FAM227B: variants seen among roughly 807,000 people sequenced by gnomAD.
FAM227B encodes the protein protein FAM227B.
FAM227B carries 88 observed loss-of-function variants against 73.8 expected under a neutral mutation model. The observed-to-expected ratio is 1.19, with a 90% CI of 1.00 to 1.42. The LOEUF (loss-of-function observed/expected upper bound fraction) is 1.42. Among genes scored for constraint, FAM227B ranks in the 40% most tolerant of loss-of-function variants. The pLI is 0.00. For missense variants in FAM227B, 632 were observed against 590.9 expected, an observed-to-expected ratio of 1.07 and a Z score of -0.72; for synonymous variants, 210 against 190.5, an observed-to-expected ratio of 1.10 and a Z score of -0.84.
At chr15:49,490,436 G>A (rs1184425984) in intron 11 of FAM227B, among the ~76,000 whole-genome samples, 1 of 151,910 alleles carries the variant, frequency 6.6e-6, no homozygotes, top group African/African-American at 2.4e-5. Context: ...TTCAGAATAG[G>A]AGCCTGTCCT....
At chr15:49,363,810 G>T (rs1236340137) in intron 13 of FAM227B, among the ~76,000 whole-genome samples, 2 of 151,988 alleles carry the variant, frequency 1.3e-5, no homozygotes, top group East Asian at 3.9e-4. Context: ...TTTGTTGAGG[G>T]TTTTTTATCA....
At chr15:49,370,795 G>A (rs1209457223) in intron 12 of FAM227B, among the ~76,000 whole-genome samples, 1 of 152,148 alleles carries the variant, frequency 6.6e-6, no homozygotes, top group Admixed American at 6.5e-5. Context: ...GCAACACATG[G>A]TGGTGAGTAC....
chr15:49,508,332 T>C lies in FAM227B; in HGVS notation c.891A>G (p.Lys297=). The part of the protein sequence containing the change: ...FLWCSGLKPQ[K]GFWIHWKLKE... ...TCAGTTTCCAGTGGATCCAAAAGCCTTTTTGAGGTTTTAAACCTGTTAATA... is the reference window on the plus strand; with the variant it reads ...TCAGTTTCCAGTGGATCCAAAAGCCCTTTTGAGGTTTTAAACCTGTTAATA... Residue 297 remains lysine, a synonymous_variant, in exon 11 of 16, where the codon AAA becomes AAG. Transcript: ENST00000299338. 6.3e-7 allele frequency: 1 copy of C among 1,598,216 alleles called. No individual in the cohort carries two copies. Among genetic ancestry groups the C allele is most frequent in the Non-Finnish European group, 8.5e-7 (1 of 1,174,864 alleles).
intron 11 of FAM227B, among the ~76,000 whole-genome samples, chr15:49,451,259 CA>C (rs2052708087): frequency 6.6e-6 from 1 of 151,948 alleles, no homozygotes; most frequent in Non-Finnish European, 1.5e-5. Flanking sequence ...GTGACAACTA[CA>C]TATATTGCAT....
intron 11 of FAM227B, among the ~76,000 whole-genome samples, chr15:49,415,522 A>G (rs899824121): frequency 3.3e-5 from 5 of 151,632 alleles, no homozygotes; most frequent in African/African-American, 9.7e-5. Flanking sequence ...GTACAAGTGG[A>G]AAAAAAAACC....
chr15:49,532,125 CAG>C (rs1343605617), intron 10 of FAM227B, among the ~76,000 whole-genome samples: 1 of 150,144 alleles, frequency 6.7e-6, no homozygotes, highest in Non-Finnish European at 1.5e-5. Flanking sequence ...TAAATGATAA[CAG>C]ATATTTAGGG....
At chr15:49,585,721 G>A (rs12913571) in intron 5 of FAM227B, among the ~76,000 whole-genome samples, 3 of 151,928 alleles carry the variant, frequency 2.0e-5, no homozygotes, top group Non-Finnish European at 4.4e-5. Flanking sequence ...AGGGATAGCA[G>A]TAGGAGATAT....
At chr15:49,438,867 G>A (rs2051349710) in intron 11 of FAM227B, among the ~76,000 whole-genome samples, 1 of 151,320 alleles carries the variant, frequency 6.6e-6, no homozygotes, top group African/African-American at 2.4e-5. Context: ...GTGAGAGAAG[G>A]AAAGATAAGA....
intron 5 of FAM227B, among the ~76,000 whole-genome samples, chr15:49,578,014 G>A (rs2075571678): frequency 6.6e-6 from 1 of 152,156 alleles, no homozygotes; most frequent in African/African-American, 2.4e-5. Flanking sequence ...TGGAATCAAT[G>A]CCTTTTGGAA....
At chr15:49,483,178 T>C in intron 11 of FAM227B, 3 of 1,587,782 alleles carry the variant, frequency 1.9e-6, no homozygotes, top group South Asian at 1.1e-5. Context: ...ACAGTGGCAG[T>C]TGGAATTGTG....
chr15:49,595,518 T>A (rs544661335), intron 3 of FAM227B, among the ~76,000 whole-genome samples: 1 of 152,052 alleles, frequency 6.6e-6, no homozygotes, highest in South Asian at 2.1e-4. Flanking sequence ...ACTTGTCTTG[T>A]TCAAGTTCTC....
intron 15 of FAM227B, chr15:49,329,314 A>C: frequency 1.0e-6 from 1 of 985,400 alleles, no homozygotes; most frequent in Non-Finnish European, 1.2e-6. Context: ...GGACTATAGG[A>C]AGCACTTTCT....
intron 3 of FAM227B, among the ~76,000 whole-genome samples, chr15:49,602,122 T>C (rs2077244333): frequency 6.6e-6 from 1 of 152,224 alleles, no homozygotes; most frequent in Admixed American, 6.5e-5. Flanking sequence ...CAGATATCTC[T>C]TTGACATACT....
intron 11 of FAM227B, among the ~76,000 whole-genome samples, chr15:49,434,939 T>C (rs1380395744): frequency 6.6e-6 from 1 of 151,556 alleles, no homozygotes; most frequent in Non-Finnish European, 1.5e-5. Context: ...CATAATTCAA[T>C]TGGAATAATA....
chr15:49,429,966 C>T (rs553950166), intron 11 of FAM227B, among the ~76,000 whole-genome samples: 11 of 151,904 alleles, frequency 7.2e-5, no homozygotes, highest in South Asian at 2.1e-4. Context: ...CCTGGACCAC[C>T]TCAGGGGTCT....
At chr15:49,348,252 A>C (rs1596365242) in intron 13 of FAM227B, among the ~76,000 whole-genome samples, 1 of 152,034 alleles carries the variant, frequency 6.6e-6, no homozygotes, top group Admixed American at 6.6e-5. Context: ...ATTTTCAATC[A>C]CCCCTCTACC....
rs1253323049 is a variant in FAM227B, at chr15:49,489,945, G to C, written c.1012+18266C>G. 1.2e-3 allele frequency among the ~76,000 whole-genome samples: 153 copies of C among 122,408 alleles called. 1 individual carries two copies. Among genetic ancestry groups the C allele is most frequent in the Non-Finnish European group, 1.6e-3 (88 of 55,628 alleles). The allele number at this position is 122,408 out of a possible 152,430, so 80.3% of individuals were successfully genotyped here. On this transcript the variant is annotated intron_variant, in intron 11 of 15. Coordinates refer to ENST00000299338, the MANE Select transcript of FAM227B (RefSeq NM_152647.3). ...AGAGAGACAGAGAGAGAGAGAGAGA[G>C]ACACCTAGGCCCCAACGCAGGCCAA...
intron 9 of FAM227B, among the ~76,000 whole-genome samples, chr15:49,562,910 C>G (rs1281325646): frequency 6.6e-6 from 1 of 152,038 alleles, no homozygotes; most frequent in African/African-American, 2.4e-5. Flanking sequence ...AGGGCAAAAG[C>G]TGGGAGCATT....
At chr15:49,579,512 G>A (rs77208859) in intron 5 of FAM227B, among the ~76,000 whole-genome samples, 1 of 152,170 alleles carries the variant, frequency 6.6e-6, no homozygotes, top group Admixed American at 6.5e-5. Context: ...AAAACTGGAG[G>A]TTGTCTGTTA....
Sources: allele counts gnomAD v4.1 joint callset (sites outside exome capture counted in the v4.1 genomes callset), GRCh38; gene constraint gnomAD v4.1.1; transcripts MANE v1.5; gene names NCBI Gene and HGNC (gene_info 2026-07-23, HGNC 2026-07-21).